The following FNDC3A variants were observed in gnomAD, a reference collection of about 807,000 sequenced individuals.
FNDC3A encodes fibronectin type-III domain-containing protein 3A.
A neutral mutation model predicts 148.9 loss-of-function variants in FNDC3A; 32 were observed. The observed-to-expected ratio is 0.21, with a 90% CI of 0.16 to 0.29. The LOEUF (loss-of-function observed/expected upper bound fraction) is 0.29. Among genes scored for constraint, FNDC3A ranks in the 10% least tolerant of loss-of-function variants. FNDC3A has a pLI of 1.00. For missense variants in FNDC3A, 1,191 were observed against 1,452.8 expected (o/e 0.82, Z 2.93); for synonymous variants, 472 against 473.6 (o/e 1.00, Z 0.04).
intron 2 of FNDC3A, among the ~76,000 whole-genome samples, chr13:49,028,952 C>G (rs564791190): frequency 6.6e-6 from 1 of 152,118 alleles, no homozygotes; most frequent in Admixed American, 6.5e-5. Flanking sequence ...TATACTAGGT[C>G]ATAAAACTAG....
intron 8 of FNDC3A, among the ~76,000 whole-genome samples, chr13:49,159,970 A>G (rs566529358): frequency 3.9e-5 from 6 of 152,334 alleles, no homozygotes; most frequent in African/African-American, 1.4e-4. Context: ...GATGAAGCCA[A>G]CTTGATCATG....
chr13:49,045,064 T>TCCTTTCCCTTTCCCTTTCCTTTCCCTTTC (rs1875266532), intron 2 of FNDC3A: 1 of 186,740 alleles, frequency 5.4e-6, no homozygotes, highest in Non-Finnish European at 1.1e-5. Flanking sequence ...CTTTCCCTTT[T>TCCTTTCCCTTTCCCTTTCCTTTCCCTTTC]CCTTTCCCTT....
intron 2 of FNDC3A, among the ~76,000 whole-genome samples, chr13:49,022,113 C>G (rs1314535730): frequency 6.6e-6 from 1 of 152,146 alleles, no homozygotes. Flanking sequence ...AGTTTCCTTA[C>G]TTGAGGGCCC....
chr13:49,015,907 ATTGATTTGCGTATAT>A (rs1487264945), intron 2 of FNDC3A, among the ~76,000 whole-genome samples: 1 of 151,424 alleles, frequency 6.6e-6, no homozygotes, highest in East Asian at 1.9e-4. Context: ...GATTACATTT[ATTGATTTGCGTATAT>A]TGAACCAGCC....
chr13:49,000,346 C>T (rs1952103946), intron 1 of FNDC3A, among the ~76,000 whole-genome samples: 2 of 152,192 alleles, frequency 1.3e-5, no homozygotes, highest in African/African-American at 4.8e-5. Flanking sequence ...GTCCTTTCCT[C>T]ATTGAATGAT....
chr13:49,167,477 C>T lies in FNDC3A; in HGVS notation c.1037+174C>T, dbSNP rs554148637. On this transcript the variant is annotated intron_variant, in intron 9 of 25. Coordinates refer to ENST00000492622, the MANE Select transcript of FNDC3A (RefSeq NM_001079673.2). The stretch of plus-strand genomic sequence containing the variant: ...ATCCCAGCACTTTGGGTGGCCAAGA[C>T]GAGGATTTCTTGAGCCCAGGAGTTC... Among the ~76,000 whole-genome samples, 8 of 152,246 alleles carry T rather than the reference C, an allele frequency of 5.3e-5. No homozygotes were observed. In the South Asian group the frequency reaches 1.0e-3, roughly 20 times the overall value.
chr13:49,074,483 A>G (rs1011500702), intron 2 of FNDC3A, among the ~76,000 whole-genome samples: 2 of 152,202 alleles, frequency 1.3e-5, no homozygotes, highest in African/African-American at 4.8e-5. Context: ...ACTGCATACC[A>G]AGACACTCAC....
Position 49,117,172 on chromosome 13 carries a change from G to C in FNDC3A, c.252+2441G>C, listed in dbSNP as rs117754905. ...AAATTAGATAATCATCCGAGTTGAG[G>C]TTCTGTAATCTTTAGACCAAAAGCC... On this transcript the variant is annotated intron_variant, in intron 4 of 25. Coordinates refer to ENST00000492622, the MANE Select transcript of FNDC3A (RefSeq NM_001079673.2). Among the ~76,000 whole-genome samples, 875 of 152,192 alleles carry C rather than the reference G, an allele frequency of 5.7e-3. 6 individuals carry two copies. Among genetic ancestry groups the C allele is most frequent in the Non-Finnish European group, 8.0e-3 (541 of 68,006 alleles).
At chr13:49,016,378 AGTTT>A (rs1872779898) in intron 2 of FNDC3A, among the ~76,000 whole-genome samples, 1 of 152,058 alleles carries the variant, frequency 6.6e-6, no homozygotes, top group Non-Finnish European at 1.5e-5. Context: ...TAGATTTTCT[AGTTT>A]ATTTGCGTAG....
chr13:49,174,482 A>G lies in FNDC3A; in HGVS notation c.1278A>G (p.Lys426=), dbSNP rs1884924675. 2 of 1,612,738 alleles carry G rather than the reference A, an allele frequency of 1.2e-6. No homozygotes were observed. The highest frequency in any genetic ancestry group is 1.1e-5 in the South Asian group (1 of 91,030). ...EFCQCYMGSQ[K]QFKITKLSPA... is the part of the protein sequence containing the mutation. ...GTCAGTGTTACATGGGCTCACAGAA[A>G]CAATTTAAAATTACTAAACTTTCAC... Residue 426 remains lysine, a synonymous_variant, in exon 12 of 26, where the codon AAA becomes AAG. Transcript: ENST00000492622.
intron 23 of FNDC3A, 143 bp downstream of exon 23, chr13:49,198,717 A>G (rs550252940): frequency 1.5e-6 from 1 of 664,670 alleles, no homozygotes; most frequent in East Asian, 2.7e-5. Flanking sequence ...GAATTGCTTG[A>G]GCCCAGGAGT....
intron 1 of FNDC3A, among the ~76,000 whole-genome samples, 155 bp downstream of exon 1, chr13:48,976,332 C>T (rs1951597538): frequency 6.6e-6 from 1 of 152,188 alleles, no homozygotes; most frequent in African/African-American, 2.4e-5. Flanking sequence ...CGCGGACCAC[C>T]CCCTTCTGTG....
At chr13:49,072,407 C>A (rs1200673967) in intron 2 of FNDC3A, among the ~76,000 whole-genome samples, 3 of 152,048 alleles carry the variant, frequency 2.0e-5, no homozygotes, top group African/African-American at 7.2e-5. Context: ...TGAGTTGGCT[C>A]TAAGTGCATA....
intron 3 of FNDC3A, 91 bp downstream of exon 3, chr13:49,075,455 C>T: frequency 1.5e-6 from 1 of 688,396 alleles, no homozygotes. Context: ...TGGTTTCTTC[C>T]TTCTTTCTCA....
chr13:49,203,414 C>T lies in FNDC3A; in HGVS notation c.3282+130C>T, dbSNP rs566446204. 46 of 618,360 alleles carry T rather than the reference C, an allele frequency of 7.4e-5. 1 individual carries two copies. The East Asian group carries it at 1.3e-3, about 18-fold the overall frequency. 38.3% of individuals were successfully genotyped at this position (618,360 alleles called of 1,614,324 possible). On this transcript the variant is annotated intron_variant, in intron 25 of 25. Coordinates refer to ENST00000492622, the MANE Select transcript of FNDC3A (RefSeq NM_001079673.2). Reference sequence around the variant, plus strand: ...TATTTATTCAGTATATATTATGTTCCAGAGATCTCAAGATTCCAAATCTTT... The same window carrying T: ...TATTTATTCAGTATATATTATGTTCTAGAGATCTCAAGATTCCAAATCTTT...
intron 2 of FNDC3A, 44 bp from the exon 3 acceptor site, chr13:49,075,245 G>C (rs1359870775): frequency 8.7e-7 from 1 of 1,150,614 alleles, no homozygotes; most frequent in Middle Eastern, 2.0e-4. Context: ...ATTCTGATTT[G>C]CTTTTTTTTG....
chr13:49,087,143 A>G (rs528273991), intron 3 of FNDC3A, among the ~76,000 whole-genome samples: 3 of 152,238 alleles, frequency 2.0e-5, no homozygotes, highest in African/African-American at 7.2e-5. Context: ...TATCACTGTT[A>G]TAGTTAGTCT....
intron 2 of FNDC3A, among the ~76,000 whole-genome samples, chr13:49,045,242 C>T (rs983111811): frequency 6.6e-6 from 1 of 152,012 alleles, no homozygotes; most frequent in East Asian, 1.9e-4. Flanking sequence ...CAACCTCTGT[C>T]TCCCAGGTTC....
intron 2 of FNDC3A, among the ~76,000 whole-genome samples, chr13:49,014,919 C>T (rs1424498994): frequency 1.5e-4 from 22 of 149,262 alleles, no homozygotes; most frequent in African/African-American, 2.2e-4. Flanking sequence ...AGATATGTGG[C>T]GTTATTTCTG....
Sources: allele counts gnomAD v4.1 joint callset (sites outside exome capture counted in the v4.1 genomes callset), GRCh38; gene constraint gnomAD v4.1.1; transcripts MANE v1.5; gene names NCBI Gene and HGNC (gene_info 2026-07-23, HGNC 2026-07-21).